The following RIN2 variants were observed in gnomAD, a reference collection of about 807,000 sequenced individuals.
The protein encoded by RIN2 is RAB5 interacting protein 2.
Under a neutral mutation model 78.0 loss-of-function variants are expected in RIN2, and 36 were observed. The ratio of observed to expected loss-of-function variants is 0.46; its 90% confidence interval spans 0.35 to 0.61. RIN2 has a LOEUF of 0.61. Among genes scored for constraint, RIN2 ranks in the 20% least tolerant of loss-of-function variants. RIN2 has a pLI of 0.00. For synonymous variants in RIN2, 466 were observed against 466.8 expected, an observed-to-expected ratio of 1.00 and a Z score of 0.02; for missense variants, 1,087 against 1,159.7, an observed-to-expected ratio of 0.94 and a Z score of 0.91.
intron 2 of RIN2, among the ~76,000 whole-genome samples, chr20:19,803,095 C>G (rs922349594): frequency 2.0e-5 from 3 of 152,172 alleles, no homozygotes; most frequent in African/African-American, 7.2e-5. Context: ...GCCAGCACTG[C>G]CATCTGTGGG....
At chr20:19,895,316 C>T (rs1253580434) in intron 3 of RIN2, among the ~76,000 whole-genome samples, 2 of 152,158 alleles carry the variant, frequency 1.3e-5, no homozygotes, top group African/African-American at 4.8e-5. Flanking sequence ...GAGGGATCCT[C>T]TTATAGCAAA....
At chr20:19,834,768 T>A (rs13039003) in intron 2 of RIN2, among the ~76,000 whole-genome samples, 1 of 152,188 alleles carries the variant, frequency 6.6e-6, no homozygotes, top group Non-Finnish European at 1.5e-5. Flanking sequence ...AGTTGTATAA[T>A]AAATAATGTT....
chr20:19,943,190 T>A (rs555620491), intron 4 of RIN2, among the ~76,000 whole-genome samples: 18 of 152,162 alleles, frequency 1.2e-4, no homozygotes, highest in Non-Finnish European at 2.5e-4. Context: ...CTTTCTTATT[T>A]TTACAGGAAC....
rs983516920 is a variant in RIN2 at position 19,889,342 on chromosome 20, G to A, written c.-36-224G>A. On this transcript the variant is annotated intron_variant, in intron 2 of 12. Transcript: ENST00000255006. ...AGTCCCAAGGACCTTCTACGTCAGT[G>A]GCAGAGGTGGGAGGTGGGCTGGCGA... The A allele has an allele frequency of 1.4e-5, 17 of 1,239,120 alleles. No individual in the cohort carries two copies. In the East Asian group the frequency reaches 4.0e-4, roughly 29 times the overall value. The allele number at this position is 1,239,120 out of a possible 1,614,324, so 76.8% of individuals were successfully genotyped here.
intron 1 of RIN2, among the ~76,000 whole-genome samples, chr20:19,796,057 A>C (rs556156177): frequency 6.6e-6 from 1 of 150,542 alleles, no homozygotes; most frequent in Non-Finnish European, 1.5e-5. Flanking sequence ...GAAGAGAAAG[A>C]AAGAGAAGAG....
At chr20:19,900,776 C>A (rs1026277076) in intron 3 of RIN2, among the ~76,000 whole-genome samples, 1 of 151,606 alleles carries the variant, frequency 6.6e-6, no homozygotes, top group Non-Finnish European at 1.5e-5. Flanking sequence ...CATGGATAAA[C>A]CTCGTCTCTA....
intron 3 of RIN2, among the ~76,000 whole-genome samples, chr20:19,897,200 A>C (rs1600726125): frequency 6.6e-6 from 1 of 151,976 alleles, no homozygotes; most frequent in Non-Finnish European, 1.5e-5. Flanking sequence ...CCGCCTTCTG[A>C]GTTCAAGTGA....
At chr20:19,794,462 G>A (rs1489284421) in intron 1 of RIN2, among the ~76,000 whole-genome samples, 4 of 151,132 alleles carry the variant, frequency 2.6e-5, no homozygotes, top group East Asian at 3.9e-4. Flanking sequence ...AACCCAGGAG[G>A]TGGAGGTTGC....
At chr20:19,946,908 A>G (rs560953124) in intron 4 of RIN2, among the ~76,000 whole-genome samples, 5 of 151,408 alleles carry the variant, frequency 3.3e-5, no homozygotes, top group East Asian at 3.9e-4. Flanking sequence ...GCGCACGCCT[A>G]AAGTCCCAGC....
intron 4 of RIN2, among the ~76,000 whole-genome samples, chr20:19,935,804 G>T (rs1219153163): frequency 6.9e-6 from 1 of 144,372 alleles, no homozygotes; most frequent in African/African-American, 2.5e-5. Flanking sequence ...GAAAGGGGGT[G>T]CAAAGGTCGG....
chr20:19,813,049 C>T (rs1002032230), intron 2 of RIN2, among the ~76,000 whole-genome samples: 2 of 152,156 alleles, frequency 1.3e-5, no homozygotes, highest in African/African-American at 4.8e-5. Flanking sequence ...CATTCACCAC[C>T]CCTGCAGGAA....
At chr20:19,916,259 CAAAA>C (rs1487269955) in intron 3 of RIN2, among the ~76,000 whole-genome samples, 1 of 151,996 alleles carries the variant, frequency 6.6e-6, no homozygotes, top group African/African-American at 2.4e-5. Context: ...AACAAACAAA[CAAAA>C]CTGAAATTCC....
intron 1 of RIN2, among the ~76,000 whole-genome samples, chr20:19,777,826 T>C (rs1226463815): frequency 1.3e-5 from 2 of 152,250 alleles, no homozygotes; most frequent in Non-Finnish European, 2.9e-5. Context: ...CCTGGTTTTT[T>C]AATTTTGCCA....
intron 2 of RIN2, among the ~76,000 whole-genome samples, chr20:19,830,634 C>T (rs1157044620): frequency 6.6e-6 from 1 of 152,246 alleles, no homozygotes; most frequent in Non-Finnish European, 1.5e-5. Flanking sequence ...GCATGAACAA[C>T]TGCCACATGA....
At chr20:19,936,067 A>G (rs1296496654) in intron 4 of RIN2, among the ~76,000 whole-genome samples, 1 of 152,184 alleles carries the variant, frequency 6.6e-6, no homozygotes, top group Non-Finnish European at 1.5e-5. Context: ...GCAAGTTTCA[A>G]ACCAGCCCGA....
intron 2 of RIN2, among the ~76,000 whole-genome samples, chr20:19,844,283 A>C (rs1274593561): frequency 1.3e-5 from 2 of 152,194 alleles, no homozygotes; most frequent in Non-Finnish European, 2.9e-5. Context: ...GGGACCAACT[A>C]TTCTACTAAG....
chr20:19,831,219 G>A (rs1441663549), intron 2 of RIN2, among the ~76,000 whole-genome samples: 1 of 152,126 alleles, frequency 6.6e-6, no homozygotes, highest in East Asian at 1.9e-4. Flanking sequence ...TCTGGTACTT[G>A]GTGCTTGGAA....
chr20:19,889,551 T>C lies in RIN2; in HGVS notation c.-36-15T>C. The C allele has an allele frequency of 6.5e-7, 1 of 1,547,034 alleles. No homozygotes were observed. The highest frequency in any genetic ancestry group is 8.7e-7 in the Non-Finnish European group (1 of 1,144,106). On this transcript the variant is annotated splice_polypyrimidine_tract_variant and intron_variant, in intron 2 of 12. Coordinates refer to ENST00000255006, the MANE Select transcript of RIN2 (RefSeq NM_018993.4). The stretch of plus-strand genomic sequence containing the variant: ...TACAGGCTGGACTAACCATTAAAAA[T>C]GTCTCTACCTTCAGGAGTCCCCGGC...
chr20:19,865,473 A>T (rs6046384), intron 2 of RIN2, among the ~76,000 whole-genome samples: 2 of 149,408 alleles, frequency 1.3e-5, no homozygotes, highest in Non-Finnish European at 3.0e-5. Flanking sequence ...TCATTTTAAA[A>T]GTTATACTTT....
Sources: allele counts gnomAD v4.1 joint callset (sites outside exome capture counted in the v4.1 genomes callset), GRCh38; gene constraint gnomAD v4.1.1; transcripts MANE v1.5; gene names NCBI Gene and HGNC (gene_info 2026-07-23, HGNC 2026-07-21).